Variants in STARD13 observed in about 807,000 individuals in gnomAD.
STARD13 encodes stAR-related lipid transfer protein 13.
In STARD13, 62 loss-of-function variants were observed where a neutral mutation model predicts 106.4. That is an observed-to-expected ratio of 0.58 (90% confidence interval 0.48 to 0.72). STARD13 has a LOEUF of 0.72. Ranked by LOEUF, STARD13 falls within the 30% of genes least tolerant of loss-of-function variation. The pLI is 0.00. For missense variants in STARD13, 1,387 were observed against 1,424.0 expected, an observed-to-expected ratio of 0.97 and a Z score of 0.42; for synonymous variants, 565 against 553.0, an observed-to-expected ratio of 1.02 and a Z score of -0.31.
At chr13:33,506,604 A>C in the STARD13 span, among the ~76,000 whole-genome samples, 1 of 152,168 alleles carries the variant, frequency 6.6e-6, no homozygotes, top group African/African-American at 2.4e-5. Context: ...AACTCAGTGT[A>C]CCAATATTTT....
chr13:33,146,290 C>A (rs541050040), intron 3 of STARD13, among the ~76,000 whole-genome samples: 15 of 151,998 alleles, frequency 9.9e-5, no homozygotes, highest in African/African-American at 2.7e-4. Flanking sequence ...CACCATTGCA[C>A]CCCAGCCTGG....
chr13:33,347,723 A>G (rs1032156991), downstream of STARD13, among the ~76,000 whole-genome samples: 2 of 152,154 alleles, frequency 1.3e-5, no homozygotes, highest in Non-Finnish European at 2.9e-5. Context: ...GTGTAAATAC[A>G]TTCTATGATT....
At chr13:33,392,943 A>G in the STARD13 span, among the ~76,000 whole-genome samples, 10 of 152,346 alleles carry the variant, frequency 6.6e-5, no homozygotes, top group African/African-American at 2.4e-4. Context: ...GCTTTGTTTA[A>G]TTACTCCAAA....
the STARD13 span, among the ~76,000 whole-genome samples, chr13:33,606,755 C>G: frequency 6.6e-6 from 1 of 152,236 alleles, no homozygotes; most frequent in Non-Finnish European, 1.5e-5. Context: ...GATCAAAAGT[C>G]TAACACTGGT....
the STARD13 span, among the ~76,000 whole-genome samples, chr13:33,356,768 C>T: frequency 2.3e-3 from 347 of 152,306 alleles, 2 homozygotes; most frequent in African/African-American, 7.4e-3. Context: ...TCATGAGATT[C>T]CAGTCCAGCC....
chr13:33,446,106 T>C, the STARD13 span, among the ~76,000 whole-genome samples: 1 of 152,100 alleles, frequency 6.6e-6, no homozygotes, highest in Non-Finnish European at 1.5e-5. Flanking sequence ...GACAAGACAG[T>C]CTTAAAGAAG....
At chr13:33,117,919 G>A (rs1593872729) in intron 8 of STARD13, 146 bp downstream of exon 8, 1 of 1,413,002 alleles carries the variant, frequency 7.1e-7, no homozygotes. Context: ...TTGAGCAAAA[G>A]TTACTTCCGT....
At chr13:33,363,218 T>C in the STARD13 span, among the ~76,000 whole-genome samples, 2 of 152,244 alleles carry the variant, frequency 1.3e-5, no homozygotes, top group African/African-American at 4.8e-5. Context: ...CAGTCCTTTT[T>C]CTTGACATCA....
chr13:33,566,852 G>C, the STARD13 span, among the ~76,000 whole-genome samples: 1 of 147,818 alleles, frequency 6.8e-6, no homozygotes, highest in Non-Finnish European at 1.5e-5. Context: ...ATTTCATCTA[G>C]CTTACAGCAG....
chr13:33,404,847 G>A, the STARD13 span, among the ~76,000 whole-genome samples: 5 of 146,808 alleles, frequency 3.4e-5, no homozygotes, highest in Admixed American at 2.1e-4. Flanking sequence ...CATGGTCTCC[G>A]CTCACTGCAA....
chr13:33,112,865 C>G lies in STARD13; in HGVS notation c.2348G>C (p.Arg783Thr). ...ACACAAGAGCGTCTGCAGGACCTCC[C>G]TGTTCTCATCGGCCAGTAGCAGGAT... is the stretch of plus-strand genomic sequence containing the variant. ...AAILLLADEN[R>T]EVLQTLLCFL... Residue 783 changes from arginine (R) to threonine (T), a missense_variant, in exon 9 of 14, where the codon AGG (arginine) becomes ACG (threonine). Arg to Thr is a moderately conservative substitution (Grantham distance 71, BLOSUM62 -1). Transcript: ENST00000336934. The G allele has an allele frequency of 6.2e-7, 1 of 1,614,032 alleles. No homozygotes were observed. Among genetic ancestry groups the G allele is most frequent in the Non-Finnish European group, 8.5e-7 (1 of 1,179,938 alleles).
At chr13:33,183,607 T>C (rs1885454312) in intron 1 of STARD13, among the ~76,000 whole-genome samples, 1 of 152,174 alleles carries the variant, frequency 6.6e-6, no homozygotes, top group African/African-American at 2.4e-5. Context: ...CCTTAATCAA[T>C]AACAAGAAAT....
intron 1 of STARD13, among the ~76,000 whole-genome samples, chr13:33,350,099 C>A (rs908085952): frequency 3.9e-5 from 6 of 152,096 alleles, no homozygotes; most frequent in Non-Finnish European, 7.4e-5. Context: ...CCACACCCAC[C>A]GGGAGGCGCG....
intron 1 of STARD13, among the ~76,000 whole-genome samples, chr13:33,315,376 T>C (rs541942590): frequency 6.6e-6 from 1 of 152,298 alleles, no homozygotes; most frequent in African/African-American, 2.4e-5. Context: ...TCAGCAGAGG[T>C]TGGGATTCAA....
chr13:33,352,948 T>C (rs937102953), upstream of STARD13, among the ~76,000 whole-genome samples: 3 of 152,180 alleles, frequency 2.0e-5, no homozygotes, highest in African/African-American at 7.2e-5. Flanking sequence ...AGAACTCAGG[T>C]AACCCCCTAG....
At chr13:33,159,235 T>G (rs1882346735) in intron 3 of STARD13, among the ~76,000 whole-genome samples, 1 of 152,136 alleles carries the variant, frequency 6.6e-6, no homozygotes, top group Non-Finnish European at 1.5e-5. Flanking sequence ...AGAGAAGACT[T>G]CCTGATTTTT....
chr13:33,640,010 T>G, the STARD13 span, among the ~76,000 whole-genome samples: 2 of 152,176 alleles, frequency 1.3e-5, no homozygotes, highest in African/African-American at 2.4e-5. Context: ...TCTAGGGGAA[T>G]TTGCCTGGGG....
the STARD13 span, among the ~76,000 whole-genome samples, chr13:33,576,426 G>A: frequency 6.6e-6 from 1 of 151,180 alleles, no homozygotes; most frequent in Non-Finnish European, 1.5e-5. Flanking sequence ...TAGAGACAAG[G>A]TCTTGCTACA....
chr13:33,499,594 CTTCTTCTTCTTT>C, the STARD13 span, among the ~76,000 whole-genome samples: 10 of 60,852 alleles, frequency 1.6e-4, no homozygotes, highest in African/African-American at 5.4e-4. Context: ...TCTTCTTCTT[CTTCTTCTTCTTT>C]CTTCTTCTTC....
Sources: gnomAD v4.1 joint callset for allele counts (sites outside exome capture counted in the v4.1 genomes callset) on GRCh38, gnomAD v4.1.1 for gene constraint, MANE v1.5 for transcripts, NCBI Gene and HGNC (gene_info 2026-07-23, HGNC 2026-07-21) for gene names.